Variants in IGSF11 observed in about 807,000 individuals in gnomAD.
IGSF11 encodes immunoglobulin superfamily member 11.
Under a neutral mutation model 41.0 loss-of-function variants are expected in IGSF11, and 22 were observed. That is an observed-to-expected ratio of 0.54 (90% CI 0.38 to 0.77). IGSF11 has a LOEUF of 0.77. IGSF11 is among the 30% of genes least tolerant of loss of function. The probability of loss-of-function intolerance (pLI) is 0.00; values close to 1 mark genes in which losing one functional copy is unlikely to be tolerated. For missense variants in IGSF11, 444 were observed against 530.8 expected (o/e 0.84, Z 1.61); for synonymous variants, 219 against 201.3 (o/e 1.09, Z -0.74).
At chr3:118,938,842 A>G (rs1943472349) in intron 1 of IGSF11, among the ~76,000 whole-genome samples, 1 of 152,200 alleles carries the variant, frequency 6.6e-6, no homozygotes, top group African/African-American at 2.4e-5. Flanking sequence ...AGGCATAGAG[A>G]GGGATATTAC....
chr3:119,098,125 A>G (rs981572103), intron 1 of IGSF11, among the ~76,000 whole-genome samples: 1 of 151,884 alleles, frequency 6.6e-6, no homozygotes, highest in Non-Finnish European at 1.5e-5. Context: ...TGGAGAACAA[A>G]GCTTATGTGG....
intron 1 of IGSF11, among the ~76,000 whole-genome samples, chr3:118,971,927 G>C (rs529965802): frequency 9.1e-4 from 139 of 152,218 alleles, no homozygotes; most frequent in African/African-American, 3.2e-3. Flanking sequence ...AGAATGGCAT[G>C]TTTAAGATAA....
At chr3:119,118,361 C>T (rs62273475) in intron 1 of IGSF11, among the ~76,000 whole-genome samples, 2,457 of 152,334 alleles carry the variant, frequency 0.016, 36 homozygotes, top group Non-Finnish European at 0.022. Context: ...GTCAACACCA[C>T]ATGGAAGTTG....
At chr3:119,064,578 C>T (rs1942164030) in intron 1 of IGSF11, among the ~76,000 whole-genome samples, 1 of 127,906 alleles carries the variant, frequency 7.8e-6, no homozygotes, top group East Asian at 2.5e-4. Context: ...ACAATAAAAT[C>T]TCTGGGATTT....
At chr3:118,998,469 C>T (rs1936483567) in intron 1 of IGSF11, among the ~76,000 whole-genome samples, 1 of 150,724 alleles carries the variant, frequency 6.6e-6, no homozygotes. Flanking sequence ...CTTCAAAATC[C>T]ATTGGGGGGG....
At position 119,138,725 on chromosome 3, in the gene IGSF11, A is replaced by G. The variant is rs557388672; in HGVS notation, c.-14+7088T>C. 3.3e-5 allele frequency among the ~76,000 whole-genome samples: 5 copies of G among 152,276 alleles called. No individual in the cohort carries two copies. The East Asian group carries it at 7.7e-4, about 24-fold the overall frequency. On this transcript the variant is annotated intron_variant, in intron 1 of 7. Coordinates refer to the IGSF11 transcript ENST00000425327. ...GATCCTGTCATTTGCAACAACCTGG[A>G]TGGAACTGGAGATCATAATGTTAAG...
At chr3:118,912,554 C>T (rs1044126845) in intron 4 of IGSF11, among the ~76,000 whole-genome samples, 1 of 152,116 alleles carries the variant, frequency 6.6e-6, no homozygotes, top group Admixed American at 6.5e-5. Flanking sequence ...TTTGCTCATC[C>T]CTTCATCTTC....
At chr3:119,111,848 G>C (rs1326517153) in intron 1 of IGSF11, among the ~76,000 whole-genome samples, 1 of 152,212 alleles carries the variant, frequency 6.6e-6, no homozygotes, top group African/African-American at 2.4e-5. Context: ...GAGTTTGCTA[G>C]AGGTCCACTC....
intron 1 of IGSF11, among the ~76,000 whole-genome samples, chr3:118,973,115 C>T (rs1219434102): frequency 6.6e-6 from 1 of 152,168 alleles, no homozygotes; most frequent in Non-Finnish European, 1.5e-5. Flanking sequence ...GCTCTCTCAC[C>T]CAGGATCTCT....
chr3:119,021,745 G>A (rs1360594238), intron 1 of IGSF11, among the ~76,000 whole-genome samples: 1 of 152,052 alleles, frequency 6.6e-6, no homozygotes, highest in Non-Finnish European at 1.5e-5. Flanking sequence ...GAAGATACCA[G>A]GAAATATCTT....
intron 1 of IGSF11, among the ~76,000 whole-genome samples, chr3:118,969,690 C>T (rs1933154042): frequency 6.6e-6 from 1 of 152,200 alleles, no homozygotes; most frequent in Admixed American, 6.5e-5. Flanking sequence ...AACTCCTATG[C>T]TGCTGAATGG....
intron 4 of IGSF11, among the ~76,000 whole-genome samples, chr3:118,907,222 G>A (rs970925871): frequency 6.6e-6 from 1 of 152,122 alleles, no homozygotes; most frequent in Non-Finnish European, 1.5e-5. Flanking sequence ...CTAGATCAAA[G>A]GCAGAAGCAG....
At chr3:119,132,879 G>A (rs374119826) in intron 1 of IGSF11, among the ~76,000 whole-genome samples, 1 of 152,242 alleles carries the variant, frequency 6.6e-6, no homozygotes, top group African/African-American at 2.4e-5. Flanking sequence ...TCAGACCACA[G>A]CACAATCAAA....
At chr3:118,938,638 T>G (rs1943458697) in intron 1 of IGSF11, among the ~76,000 whole-genome samples, 1 of 152,222 alleles carries the variant, frequency 6.6e-6, no homozygotes, top group Non-Finnish European at 1.5e-5. Flanking sequence ...TCCTTGAACA[T>G]GAGTCACTAT....
chr3:119,142,616 G>T (rs1189537359), intron 1 of IGSF11, among the ~76,000 whole-genome samples: 1 of 152,044 alleles, frequency 6.6e-6, no homozygotes, highest in Admixed American at 6.5e-5. Context: ...ACACCCTTAA[G>T]TGTACCACTT....
intron 1 of IGSF11, among the ~76,000 whole-genome samples, chr3:119,120,850 A>G (rs1559879508): frequency 6.6e-6 from 1 of 152,244 alleles, no homozygotes; most frequent in African/African-American, 2.4e-5. Flanking sequence ...TTACGTAACT[A>G]TGACTTACTC....
At chr3:118,921,785 C>T (rs1046956870) in intron 4 of IGSF11, among the ~76,000 whole-genome samples, 1 of 152,012 alleles carries the variant, frequency 6.6e-6, no homozygotes, top group Admixed American at 6.6e-5. Flanking sequence ...GGACAAAAAA[C>T]ACATTTTCCA....
chr3:118,928,755 T>G, intron 2 of IGSF11, 39 bp from the exon 3 acceptor site: 4 of 1,439,098 alleles, frequency 2.8e-6, no homozygotes, highest in Non-Finnish European at 2.9e-6. Flanking sequence ...GGCCACTCTA[T>G]CCTCTCCTAG....
chr3:118,935,021 G>A (rs1943133225), intron 1 of IGSF11, among the ~76,000 whole-genome samples: 1 of 151,780 alleles, frequency 6.6e-6, no homozygotes, highest in Non-Finnish European at 1.5e-5. Flanking sequence ...CTTCTCACAA[G>A]AAAAGCCCTG....
Sources: allele counts gnomAD v4.1 joint callset (sites outside exome capture counted in the v4.1 genomes callset), GRCh38; gene constraint gnomAD v4.1.1; transcripts MANE v1.5; gene names NCBI Gene and HGNC (gene_info 2026-07-23, HGNC 2026-07-21).